The following ANO3 variants were observed in gnomAD, a reference collection of about 807,000 sequenced individuals.
ANO3 encodes the protein anoctamin-3.
Under a neutral mutation model 144.8 loss-of-function variants are expected in ANO3, and 99 were observed. The observed-to-expected ratio is 0.68, with a 90% CI of 0.58 to 0.81. ANO3 has a LOEUF of 0.81. ANO3 is among the 30% of genes least tolerant of loss of function. The pLI, the probability that ANO3 is intolerant of heterozygous loss-of-function variation, is 0.00. For missense variants in ANO3, 905 were observed against 1,202.2 expected, an observed-to-expected ratio of 0.75 and a Z score of 3.66; for synonymous variants, 414 against 392.6, an observed-to-expected ratio of 1.05 and a Z score of -0.64.
intron 21 of ANO3, among the ~76,000 whole-genome samples, chr11:26,640,913 T>G (rs1038557192): frequency 6.6e-6 from 1 of 152,242 alleles, no homozygotes; most frequent in East Asian, 1.9e-4. Context: ...CTCCAGCCCC[T>G]TTTTCACCTT....
At chr11:26,473,931 G>T in intron 4 of ANO3, 8 of 985,012 alleles carry the variant, frequency 8.1e-6, no homozygotes, top group Non-Finnish European at 7.2e-6. Flanking sequence ...GGCATTTAGA[G>T]AGTAGGCTAA....
At chr11:26,252,404 A>G (rs1852949520) in intron 1 of ANO3, among the ~76,000 whole-genome samples, 1 of 152,132 alleles carries the variant, frequency 6.6e-6, no homozygotes, top group Non-Finnish European at 1.5e-5. Context: ...AGAGCCTGTT[A>G]TGCAGTGAGG....
Position 26,441,899 on chromosome 11 carries a change from C to A in ANO3, c.47-19C>A. 1.9e-6 allele frequency: 3 copies of A among 1,595,912 alleles called. No homozygotes were observed. Among genetic ancestry groups the A allele is most frequent in the Non-Finnish European group, 2.6e-6 (3 of 1,169,506 alleles). On this transcript the variant is annotated intron_variant, in intron 1 of 26. Transcript: ENST00000256737. The stretch of plus-strand genomic sequence containing the variant: ...TGATTGATTTTTTATTGCTAAAACT[C>A]AACATTTTGGATTTGCAGGTATGAA...
intron 1 of ANO3, among the ~76,000 whole-genome samples, chr11:26,280,979 A>C (rs1479516910): frequency 6.6e-6 from 1 of 152,228 alleles, no homozygotes; most frequent in Non-Finnish European, 1.5e-5. Context: ...AAAATCAGTA[A>C]GAACATGAAT....
chr11:26,359,591 C>T (rs1028224952), intron 1 of ANO3, among the ~76,000 whole-genome samples: 6 of 150,920 alleles, frequency 4.0e-5, no homozygotes, highest in East Asian at 2.4e-4. Context: ...TAACTCTATC[C>T]TGCAAACACT....
At chr11:26,197,839 G>A (rs1402096010) in intron 1 of ANO3, among the ~76,000 whole-genome samples, 1 of 151,996 alleles carries the variant, frequency 6.6e-6, no homozygotes, top group Admixed American at 6.6e-5. Flanking sequence ...ATCCACATTA[G>A]GCTTCTTTTC....
intron 1 of ANO3, among the ~76,000 whole-genome samples, chr11:26,367,882 CTT>C (rs1290389655): frequency 1.3e-5 from 2 of 152,154 alleles, no homozygotes; most frequent in African/African-American, 2.4e-5. Context: ...AAGCACCACA[CTT>C]TACAACAACC....
intron 1 of ANO3, among the ~76,000 whole-genome samples, chr11:26,323,748 C>CA (rs1352085395): frequency 6.6e-6 from 1 of 152,034 alleles, no homozygotes; most frequent in Admixed American, 6.6e-5. Context: ...AAAATACTGG[C>CA]AAAAATTGAC....
In ANO3 at chr11:26,661,997, T is replaced by C. The variant is rs963490827; in HGVS notation, c.*1553T>C. 1 of 152,086 alleles carries C rather than the reference T, an allele frequency of 6.6e-6. No homozygotes were observed. Among genetic ancestry groups the C allele is most frequent in the African/African-American group, 2.4e-5 (1 of 41,428 alleles). 9.4% of individuals were successfully genotyped at this position (152,086 alleles called of 1,614,324 possible). A position where few individuals can be genotyped will look rare whatever the true frequency, so the allele number is the denominator to read the frequency against. ...GCAAAGCACCATTATTTCTAACATA[T>C]AAAAGACCAGATCAAACACAATGGA... On this transcript the variant is annotated 3_prime_UTR_variant, in exon 27 of 27. Coordinates refer to ENST00000256737, the MANE Select transcript of ANO3 (RefSeq NM_031418.4).
intron 17 of ANO3, among the ~76,000 whole-genome samples, chr11:26,612,459 C>T (rs1014275248): frequency 6.6e-6 from 1 of 150,658 alleles, no homozygotes; most frequent in Non-Finnish European, 1.5e-5. Flanking sequence ...TGTTCCTAAG[C>T]CACGAATTCT....
intron 5 of ANO3, 52 bp from the exon 6 acceptor site, chr11:26,516,775 T>C: frequency 3.2e-6 from 4 of 1,259,326 alleles, no homozygotes; most frequent in Non-Finnish European, 4.6e-6. Flanking sequence ...TGTGGCATGA[T>C]ATCATCAGCT....
chr11:26,620,836 G>A (rs1473452216), intron 17 of ANO3, among the ~76,000 whole-genome samples: 1 of 152,218 alleles, frequency 6.6e-6, no homozygotes, highest in Non-Finnish European at 1.5e-5. Flanking sequence ...TTATGGAATA[G>A]GGTGGATCAA....
At chr11:26,322,681 T>C (rs143936055) in intron 1 of ANO3, among the ~76,000 whole-genome samples, 2 of 152,286 alleles carry the variant, frequency 1.3e-5, no homozygotes, top group South Asian at 2.1e-4. Flanking sequence ...AAGGTACATA[T>C]GATCAATTAG....
In ANO3 at chr11:26,456,835, A is replaced by G. The variant is rs1308358138; in HGVS notation, c.314-6195A>G. Reference sequence around the variant, plus strand: ...GACTTGGAACCAACCCAAATGTCCAACAACGATAGACTGGATTAAGAAAAT... The same window carrying G: ...GACTTGGAACCAACCCAAATGTCCAGCAACGATAGACTGGATTAAGAAAAT... On this transcript the variant is annotated intron_variant, in intron 3 of 26. Coordinates refer to ENST00000256737, the MANE Select transcript of ANO3 (RefSeq NM_031418.4). Among the ~76,000 whole-genome samples the G allele has an allele frequency of 7.5e-5, 10 of 132,532 alleles. 1 individual carries two copies. In the South Asian group the frequency reaches 2.6e-3, roughly 34 times the overall value. The allele number at this position is 132,532 out of a possible 152,430, so 86.9% of individuals were successfully genotyped here.
intron 10 of ANO3, 82 bp from the exon 11 acceptor site, chr11:26,541,865 C>T: frequency 7.6e-7 from 1 of 1,314,176 alleles, no homozygotes; most frequent in South Asian, 1.8e-5. Context: ...TTAAATTATT[C>T]TGCAAGGGAA....
intron 3 of ANO3, 78 bp downstream of exon 3, chr11:26,443,914 A>C: frequency 1.2e-6 from 1 of 867,178 alleles, no homozygotes; most frequent in Non-Finnish European, 1.7e-6. Flanking sequence ...AAAAACTAGC[A>C]TTTTTTTTTT....
At chr11:26,252,084 A>G (rs1286365210) in intron 1 of ANO3, among the ~76,000 whole-genome samples, 1 of 152,218 alleles carries the variant, frequency 6.6e-6, no homozygotes, top group African/African-American at 2.4e-5. Context: ...ATACATAACC[A>G]GTGGAATTAT....
intron 1 of ANO3, among the ~76,000 whole-genome samples, chr11:26,271,872 A>G (rs551847777): frequency 6.6e-6 from 1 of 152,228 alleles, no homozygotes. Context: ...AATATTATGC[A>G]ATACTTAAAT....
At chr11:26,397,308 A>C (rs147851707) in intron 1 of ANO3, among the ~76,000 whole-genome samples, 4 of 152,104 alleles carry the variant, frequency 2.6e-5, no homozygotes, top group African/African-American at 9.7e-5. Context: ...AATGAGTAAG[A>C]TCTAACCTCA....
Sources: allele counts gnomAD v4.1 joint callset (sites outside exome capture counted in the v4.1 genomes callset), GRCh38; gene constraint gnomAD v4.1.1; transcripts MANE v1.5; gene names NCBI Gene and HGNC (gene_info 2026-07-23, HGNC 2026-07-21).